The following COX10 variants were observed in gnomAD, a reference collection of about 807,000 sequenced individuals.
COX10 encodes cytochrome c oxidase assembly factor heme A:farnesyltransferase COX10.
In COX10, 27 loss-of-function variants were observed where a neutral mutation model predicts 37.3. That is an observed-to-expected ratio of 0.72 (90% CI 0.53 to 1.00). The LOEUF is 1.00. Ranked by LOEUF, COX10 falls within the 50% of genes least tolerant of loss-of-function variation. The pLI is 0.00. For synonymous variants in COX10, 222 were observed against 229.1 expected, an observed-to-expected ratio of 0.97 and a Z score of 0.28; for missense variants, 475 against 563.2, an observed-to-expected ratio of 0.84 and a Z score of 1.59.
intron 5 of COX10, among the ~76,000 whole-genome samples, chr17:14,163,881 T>A (rs1331769193): frequency 6.6e-6 from 1 of 152,250 alleles, no homozygotes; most frequent in Non-Finnish European, 1.5e-5. Flanking sequence ...GTCAGCTTTG[T>A]TTTTACAATT....
In COX10 at chr17:14,185,542, A is replaced by G. The variant is rs370091821; in HGVS notation, c.696-6447A>G. On this transcript the variant is annotated intron_variant, in intron 5 of 6. Coordinates refer to ENST00000261643, the MANE Select transcript of COX10 (RefSeq NM_001303.4). ...TGATTAAAACAGCTAAATTTCAACA[A>G]CCTGAATGTAACCATGATATTTAAA... 4.3e-4 allele frequency among the ~76,000 whole-genome samples: 66 copies of G among 152,324 alleles called. 1 individual carries two copies. The South Asian group carries it at 9.5e-3, about 22-fold the overall frequency.
At chr17:14,202,993 A>G (rs1034234577) in intron 6 of COX10, among the ~76,000 whole-genome samples, 3 of 152,112 alleles carry the variant, frequency 2.0e-5, no homozygotes, top group African/African-American at 7.2e-5. Context: ...CCCGCATTGC[A>G]TTACCCTGTT....
At chr17:14,202,223 C>CTT (rs66479644) in intron 6 of COX10, among the ~76,000 whole-genome samples, 1,517 of 140,040 alleles carry the variant, frequency 0.011, 19 homozygotes, top group African/African-American at 0.034. Flanking sequence ...GTGGCAACAA[C>CTT]TTTTTTTTTT....
chr17:14,114,099 A>G (rs1157473441), intron 4 of COX10, among the ~76,000 whole-genome samples: 1 of 152,124 alleles, frequency 6.6e-6, no homozygotes, highest in Non-Finnish European at 1.5e-5. Flanking sequence ...GTGTCATTCC[A>G]TATTAGTATA....
intron 5 of COX10, chr17:14,179,307 T>C: frequency 1.5e-6 from 1 of 659,692 alleles, no homozygotes; most frequent in Non-Finnish European, 1.9e-6. Flanking sequence ...TTTTTAGTGA[T>C]ATCCTTTTTG....
chr17:14,156,887 T>C (rs991438904), intron 4 of COX10, among the ~76,000 whole-genome samples: 1 of 152,150 alleles, frequency 6.6e-6, no homozygotes, highest in African/African-American at 2.4e-5. Context: ...TCTCAGTCTT[T>C]CTAGTGGATT....
intron 3 of COX10, among the ~76,000 whole-genome samples, chr17:14,101,088 G>C (rs149629002): frequency 6.6e-6 from 1 of 152,276 alleles, no homozygotes; most frequent in East Asian, 1.9e-4. Context: ...AGTGTGATGG[G>C]TTTGAAACAT....
At chr17:14,186,097 G>GA (rs1795839598) in intron 5 of COX10, among the ~76,000 whole-genome samples, 1 of 123,722 alleles carries the variant, frequency 8.1e-6, no homozygotes, top group Middle Eastern at 4.5e-3. Flanking sequence ...TTCTTCCTTT[G>GA]AAATGCCTAA....
intron 5 of COX10, among the ~76,000 whole-genome samples, chr17:14,172,660 C>A (rs1905515919): frequency 6.7e-6 from 1 of 149,902 alleles, no homozygotes; most frequent in African/African-American, 2.5e-5. Flanking sequence ...GCTCACTGCA[C>A]CCTTAACCTC....
intron 4 of COX10, among the ~76,000 whole-genome samples, chr17:14,120,107 G>C (rs1193995477): frequency 1.3e-5 from 2 of 152,126 alleles, no homozygotes; most frequent in African/African-American, 2.4e-5. Context: ...TGACTCCTAG[G>C]GTGTAGCTTA....
At chr17:14,097,403 T>A (rs1290607380) in intron 3 of COX10, among the ~76,000 whole-genome samples, 2 of 152,162 alleles carry the variant, frequency 1.3e-5, no homozygotes, top group Non-Finnish European at 1.5e-5. Flanking sequence ...TATTACCATT[T>A]ACAATTTGTA....
intron 4 of COX10, among the ~76,000 whole-genome samples, chr17:14,106,287 G>GTC (rs1245013931): frequency 2.0e-5 from 3 of 152,094 alleles, no homozygotes; most frequent in Non-Finnish European, 2.9e-5. Context: ...AAAATGCTGG[G>GTC]ATTACAGGTG....
At chr17:14,160,516 T>C (rs1393206582) in intron 5 of COX10, among the ~76,000 whole-genome samples, 1 of 152,176 alleles carries the variant, frequency 6.6e-6, no homozygotes, top group Non-Finnish European at 1.5e-5. Context: ...ACCTAATATA[T>C]ATTACAAGCC....
chr17:14,085,937 A>G (rs1915399834), intron 3 of COX10, among the ~76,000 whole-genome samples: 1 of 152,150 alleles, frequency 6.6e-6, no homozygotes, highest in African/African-American at 2.4e-5. Flanking sequence ...TTAATTTTGT[A>G]CTTAATTCTG....
Position 14,074,014 on chromosome 17 carries a change from G to C in COX10, c.44-309G>C, listed in dbSNP as rs115327481. Reference sequence around the variant, plus strand: ...TCTACTTTTGAAAAATTGACTGAACGGGTTGTTTTATATTTTCTTAAGAAG... The same window carrying C: ...TCTACTTTTGAAAAATTGACTGAACCGGTTGTTTTATATTTTCTTAAGAAG... On this transcript the variant is annotated intron_variant, in intron 1 of 6. Coordinates refer to ENST00000261643, the MANE Select transcript of COX10 (RefSeq NM_001303.4). 2.2e-3 allele frequency among the ~76,000 whole-genome samples: 331 copies of C among 151,984 alleles called. 2 individuals are homozygous for C. Among genetic ancestry groups the C allele is most frequent in the African/African-American group, 7.6e-3 (315 of 41,434 alleles).
chr17:14,163,273 A>ATTT (rs61443450), intron 5 of COX10, among the ~76,000 whole-genome samples: 4 of 151,698 alleles, frequency 2.6e-5, no homozygotes, highest in Non-Finnish European at 4.4e-5. Flanking sequence ...TTATTTATTT[A>ATTT]GAGACAGAGT....
chr17:14,134,776 G>T (rs1916542632), intron 4 of COX10, among the ~76,000 whole-genome samples: 1 of 142,160 alleles, frequency 7.0e-6, no homozygotes, highest in Admixed American at 7.1e-5. Context: ...TGCCCTCGGT[G>T]TTTTTTTTTT....
chr17:14,128,583 T>C (rs1252843399), intron 4 of COX10, among the ~76,000 whole-genome samples: 2 of 152,204 alleles, frequency 1.3e-5, no homozygotes. Context: ...GGTGTGCATA[T>C]AGTAGGGATT....
intron 2 of COX10, among the ~76,000 whole-genome samples, chr17:14,076,287 A>G (rs1020758236): frequency 1.3e-5 from 2 of 151,642 alleles, no homozygotes; most frequent in African/African-American, 4.8e-5. Flanking sequence ...TTGTTTTTGT[A>G]GAGACATTCC....
Sources: allele counts gnomAD v4.1 joint callset (sites outside exome capture counted in the v4.1 genomes callset), GRCh38; gene constraint gnomAD v4.1.1; transcripts MANE v1.5; gene names NCBI Gene and HGNC (gene_info 2026-07-23, HGNC 2026-07-21).